Variants in TENM4 observed in about 807,000 individuals in gnomAD.
TENM4 encodes the protein teneurin-4.
In TENM4, 82 loss-of-function variants were observed where a neutral mutation model predicts 243.3. The ratio of observed to expected loss-of-function variants is 0.34; its 90% CI spans 0.28 to 0.40. The LOEUF (loss-of-function observed/expected upper bound fraction) is 0.40, where lower values mean the gene tolerates loss of function less well. TENM4 is among the 10% of genes least tolerant of loss of function. TENM4 has a pLI of 1.00. For missense variants in TENM4, 3,138 were observed against 3,673.3 expected (o/e 0.85, Z 3.77); for synonymous variants, 1,412 against 1,456.3 (o/e 0.97, Z 0.69).
intron 1 of TENM4, among the ~76,000 whole-genome samples, chr11:79,350,147 A>G (rs1257440301): frequency 6.6e-6 from 1 of 152,216 alleles, no homozygotes; most frequent in East Asian, 1.9e-4. Flanking sequence ...GCCTCCTGTT[A>G]GAAATCCCAA....
At chr11:79,378,778 G>A (rs1209030796) in intron 1 of TENM4, among the ~76,000 whole-genome samples, 1 of 151,960 alleles carries the variant, frequency 6.6e-6, no homozygotes, top group Non-Finnish European at 1.5e-5. Context: ...AGATACTCAG[G>A]AGGCTGAGGT....
At chr11:78,834,677 CCT>C (rs1858061924) in intron 12 of TENM4, among the ~76,000 whole-genome samples, 1 of 152,054 alleles carries the variant, frequency 6.6e-6, no homozygotes. Context: ...GTACTTATTT[CCT>C]CTGTTTTTGG....
intron 2 of TENM4, among the ~76,000 whole-genome samples, chr11:79,292,127 ACCG>A (rs1856366591): frequency 6.6e-6 from 1 of 152,158 alleles, no homozygotes; most frequent in Non-Finnish European, 1.5e-5. Flanking sequence ...CAGCAATGAA[ACCG>A]GCATACTGTT....
chr11:79,417,848 C>G (rs1291632198), intron 1 of TENM4, among the ~76,000 whole-genome samples: 1 of 152,162 alleles, frequency 6.6e-6, no homozygotes, highest in Non-Finnish European at 1.5e-5. Context: ...AAGAATCACT[C>G]CACATTTCCC....
chr11:79,122,937 G>T (rs1413317152), intron 4 of TENM4, among the ~76,000 whole-genome samples: 2 of 152,232 alleles, frequency 1.3e-5, no homozygotes, highest in Non-Finnish European at 2.9e-5. Context: ...TACCCAGCCT[G>T]CATGGTTAAG....
chr11:79,219,946 G>A (rs559032310), intron 2 of TENM4, among the ~76,000 whole-genome samples: 2 of 152,236 alleles, frequency 1.3e-5, no homozygotes, highest in East Asian at 1.9e-4. Context: ...GAACTGCAAA[G>A]GTAGCAGGAA....
intron 13 of TENM4, among the ~76,000 whole-genome samples, chr11:78,812,701 A>G (rs1177411680): frequency 6.6e-6 from 1 of 151,840 alleles, no homozygotes; most frequent in Non-Finnish European, 1.5e-5. Flanking sequence ...CTCTCCTCTA[A>G]TAACACTCCA....
intron 20 of TENM4, among the ~76,000 whole-genome samples, chr11:78,735,235 C>T (rs181360319): frequency 1.5e-3 from 229 of 152,288 alleles, no homozygotes; most frequent in African/African-American, 5.2e-3. Context: ...AAGTTGAGTA[C>T]CACCATCATT....
At chr11:79,042,054 C>T (rs1326684373) in intron 6 of TENM4, among the ~76,000 whole-genome samples, 2 of 152,150 alleles carry the variant, frequency 1.3e-5, no homozygotes, top group African/African-American at 2.4e-5. Context: ...AGACCTGGTA[C>T]CAATAGATGC....
chr11:78,958,191 A>G (rs75321564), intron 6 of TENM4, among the ~76,000 whole-genome samples: 6 of 152,210 alleles, frequency 3.9e-5, no homozygotes, highest in East Asian at 1.9e-4. Context: ...TTAAATGTCA[A>G]TTCTCCCACC....
intron 1 of TENM4, among the ~76,000 whole-genome samples, chr11:79,315,472 G>C (rs1330707629): frequency 6.6e-6 from 1 of 152,222 alleles, no homozygotes; most frequent in Non-Finnish European, 1.5e-5. Context: ...GTGAGGCATA[G>C]GTTTGTTGTT....
chr11:78,912,321 C>T (rs1422647729), intron 6 of TENM4, among the ~76,000 whole-genome samples: 2 of 152,324 alleles, frequency 1.3e-5, no homozygotes, highest in African/African-American at 2.4e-5. Flanking sequence ...GTGGTGCGAT[C>T]TCAGCCCACT....
chr11:78,764,111 C>T (rs935617041), intron 18 of TENM4, among the ~76,000 whole-genome samples: 6 of 152,242 alleles, frequency 3.9e-5, no homozygotes, highest in Non-Finnish European at 7.3e-5. Context: ...TGATGGCCAC[C>T]TCCTGGCCTT....
intron 16 of TENM4, among the ~76,000 whole-genome samples, chr11:78,780,357 G>T (rs924357141): frequency 2.6e-5 from 4 of 152,106 alleles, no homozygotes; most frequent in African/African-American, 9.7e-5. Context: ...GCTATCAAAG[G>T]GCATGAATAC....
chr11:78,755,932 C>T (rs1856294441), intron 19 of TENM4, among the ~76,000 whole-genome samples: 1 of 152,162 alleles, frequency 6.6e-6, no homozygotes, highest in Non-Finnish European at 1.5e-5. Flanking sequence ...ACATATGAGG[C>T]ACCACTACGT....
chr11:79,056,649 T>C (rs536601239), intron 6 of TENM4, among the ~76,000 whole-genome samples: 1 of 152,072 alleles, frequency 6.6e-6, no homozygotes, highest in African/African-American at 2.4e-5. Context: ...AAATGATGGT[T>C]CCAAGAGTCT....
intron 19 of TENM4, among the ~76,000 whole-genome samples, chr11:78,750,580 G>C (rs572333218): frequency 7.0e-4 from 107 of 152,248 alleles, no homozygotes; most frequent in Admixed American, 7.0e-3. Flanking sequence ...TGTAGGCTCA[G>C]GGGGCAGACG....
chr11:79,421,086 A>G (rs1858921128), intron 1 of TENM4, among the ~76,000 whole-genome samples: 1 of 151,882 alleles, frequency 6.6e-6, no homozygotes, highest in Non-Finnish European at 1.5e-5. Flanking sequence ...GACTCTCCCT[A>G]CTCTCCCTTT....
intron 1 of TENM4, among the ~76,000 whole-genome samples, chr11:79,401,342 A>G (rs746025884): frequency 5.9e-5 from 9 of 152,212 alleles, no homozygotes; most frequent in Non-Finnish European, 1.3e-4. Context: ...GAAAGAACAC[A>G]GTGCAACAAG....
Sources: allele counts gnomAD v4.1 joint callset (sites outside exome capture counted in the v4.1 genomes callset), GRCh38; gene constraint gnomAD v4.1.1; transcripts MANE v1.5; gene names NCBI Gene and HGNC (gene_info 2026-07-23, HGNC 2026-07-21).